Variants in PDE9A observed in about 807,000 individuals in gnomAD.
PDE9A encodes phosphodiesterase 9A, also known as high affinity cGMP-specific 3',5'-cyclic phosphodiesterase 9A.
Under a neutral mutation model 87.4 loss-of-function variants are expected in PDE9A, and 60 were observed. The observed-to-expected ratio is 0.69, with a 90% CI of 0.56 to 0.85. PDE9A has a LOEUF of 0.85. Ranked by LOEUF, PDE9A falls within the 40% of genes least tolerant of loss-of-function variation. PDE9A has a pLI of 0.00. For synonymous variants in PDE9A, 272 were observed against 279.4 expected, an observed-to-expected ratio of 0.97 and a Z score of 0.27; for missense variants, 665 against 779.0, an observed-to-expected ratio of 0.85 and a Z score of 1.74.
At chr21:42,686,785 A>C (rs1396799218) in intron 2 of PDE9A, among the ~76,000 whole-genome samples, 2 of 152,230 alleles carry the variant, frequency 1.3e-5, no homozygotes, top group African/African-American at 4.8e-5. Flanking sequence ...ATTGCACTCC[A>C]GCCTGGGCAA....
At position 42,737,815 on chromosome 21, in the gene PDE9A, G is replaced by T. The variant is rs144356966; in HGVS notation, c.568+4389G>T. 1.1e-4 allele frequency among the ~76,000 whole-genome samples: 17 copies of T among 152,258 alleles called. 1 individual carries two copies. The highest frequency in any genetic ancestry group is 3.3e-4 in the Admixed American group (5 of 15,286). ...CATCCACTAGAACTGGCCACCTTAA[G>T]GCCATATTATATTGTGGTGGACTTG... On this transcript the variant is annotated intron_variant, in intron 7 of 19. Coordinates refer to ENST00000291539, the MANE Select transcript of PDE9A (RefSeq NM_002606.3).
At chr21:42,656,235 G>A (rs2057059752) in intron 1 of PDE9A, among the ~76,000 whole-genome samples, 2 of 152,216 alleles carry the variant, frequency 1.3e-5, no homozygotes, top group Admixed American at 1.3e-4. Flanking sequence ...GGGTGCAGGA[G>A]ATAAGGGATG....
intron 8 of PDE9A, among the ~76,000 whole-genome samples, chr21:42,747,566 CAGCACCCGGG>C (rs910421398): frequency 6.6e-6 from 1 of 152,260 alleles, no homozygotes; most frequent in African/African-American, 2.4e-5. Flanking sequence ...GTCCGGCACA[CAGCACCCGGG>C]AGCAGGTGGC....
At chr21:42,657,516 G>T (rs771482261) in intron 1 of PDE9A, among the ~76,000 whole-genome samples, 1 of 152,204 alleles carries the variant, frequency 6.6e-6, no homozygotes, top group Admixed American at 6.5e-5. Flanking sequence ...ACCCTGGGGG[G>T]CCCTGGCTGC....
intron 7 of PDE9A, chr21:42,741,226 G>C (rs149936666): frequency 6.6e-6 from 1 of 152,238 alleles, no homozygotes; most frequent in Non-Finnish European, 1.5e-5. Context: ...CTGCAGTCTA[G>C]ACAAAGCCAA....
intron 4 of PDE9A, among the ~76,000 whole-genome samples, chr21:42,724,104 G>A (rs143991780): frequency 1.2e-3 from 179 of 152,268 alleles, no homozygotes; most frequent in African/African-American, 4.2e-3. Flanking sequence ...TTCCAGAGGT[G>A]CTAGAGGGGG....
chr21:42,661,363 T>C (rs1169468838), intron 1 of PDE9A, among the ~76,000 whole-genome samples: 2 of 148,574 alleles, frequency 1.3e-5, no homozygotes, highest in Non-Finnish European at 3.0e-5. Flanking sequence ...TGTGGTAAAA[T>C]ATATGAACAA....
At chr21:42,768,854 T>C in intron 16 of PDE9A, 173 bp from the exon 17 acceptor site, 3 of 985,236 alleles carry the variant, frequency 3.0e-6, no homozygotes, top group Middle Eastern at 1.0e-3. Flanking sequence ...CACGCCCAGC[T>C]CTGTTTAGCA....
chr21:42,753,932 C>T (rs1358461820), intron 9 of PDE9A, 58 bp from the exon 10 acceptor site: 3 of 830,346 alleles, frequency 3.6e-6, no homozygotes, highest in Non-Finnish European at 4.1e-6. Flanking sequence ...TCTCAGCATG[C>T]ACATCACTGT....
chr21:42,721,203 G>A (rs2050490652), intron 4 of PDE9A, among the ~76,000 whole-genome samples: 1 of 152,146 alleles, frequency 6.6e-6, no homozygotes, highest in Non-Finnish European at 1.5e-5. Flanking sequence ...AGAGAGGAGG[G>A]CAGGGGGAGA....
intron 1 of PDE9A, among the ~76,000 whole-genome samples, chr21:42,676,184 G>A (rs1601978416): frequency 6.6e-6 from 1 of 152,290 alleles, no homozygotes; most frequent in East Asian, 1.9e-4. Context: ...CTGCAGAACT[G>A]TGAGCCAATT....
At chr21:42,670,261 A>G (rs1299411746) in intron 1 of PDE9A, among the ~76,000 whole-genome samples, 3 of 150,108 alleles carry the variant, frequency 2.0e-5, no homozygotes. Flanking sequence ...ACATACATTC[A>G]CACACATATT....
intron 1 of PDE9A, among the ~76,000 whole-genome samples, chr21:42,667,309 G>A (rs995559931): frequency 1.3e-5 from 2 of 152,178 alleles, no homozygotes; most frequent in African/African-American, 2.4e-5. Flanking sequence ...ATTTTCAAAA[G>A]GGAGACATAC....
rs144734823 is a variant in PDE9A at position 42,732,634 on chromosome 21, G to C, written c.497+510G>C. Among the ~76,000 whole-genome samples the C allele has an allele frequency of 2.6e-4, 40 of 152,366 alleles. No homozygotes were observed. In the East Asian group the frequency reaches 7.5e-3, roughly 29 times the overall value. On this transcript the variant is annotated intron_variant, in intron 6 of 19. Transcript: ENST00000291539. ...GGATTTTTTAAAAACCTTTGAATTG[G>C]CCGGGTGCGGTGGCTCACGCCTGTA...
At chr21:42,690,462 A>G (rs1450644584) in intron 3 of PDE9A, among the ~76,000 whole-genome samples, 7 of 152,058 alleles carry the variant, frequency 4.6e-5, no homozygotes, top group Admixed American at 4.6e-4. Flanking sequence ...TCTATCTATG[A>G]TCGTGGGTGT....
intron 10 of PDE9A, chr21:42,757,823 G>T (rs1030663059): frequency 6.6e-6 from 1 of 152,214 alleles, no homozygotes; most frequent in South Asian, 2.1e-4. Context: ...AGTCCCATGG[G>T]ACCAAGGCCT....
At chr21:42,676,101 C>T (rs1468121516) in intron 1 of PDE9A, among the ~76,000 whole-genome samples, 1 of 152,222 alleles carries the variant, frequency 6.6e-6, no homozygotes, top group East Asian at 1.9e-4. Flanking sequence ...TCCTGTTTCA[C>T]CTTCCATCCT....
intron 4 of PDE9A, among the ~76,000 whole-genome samples, chr21:42,719,805 A>G (rs539239497): frequency 6.6e-6 from 1 of 152,212 alleles, no homozygotes; most frequent in East Asian, 1.9e-4. Flanking sequence ...TCTTGCTACA[A>G]ATGTTGCTGC....
In PDE9A at chr21:42,694,767, C is replaced by T. The variant is rs757060533; in HGVS notation, c.219-4201C>T. ...ACCTTCCAGAAAAATAGGCTCCAAA[C>T]ACACTTTCATCCCATCACTCCCAGC... On this transcript the variant is annotated intron_variant, in intron 3 of 19. Coordinates refer to ENST00000291539, the MANE Select transcript of PDE9A (RefSeq NM_002606.3). The surrounding 1 kb of genome is among the most constrained non-coding windows in gnomAD (Gnocchi z 5.3). Among the ~76,000 whole-genome samples, 21 of 152,292 alleles carry T rather than the reference C, an allele frequency of 1.4e-4. No homozygotes were observed. Among genetic ancestry groups the T allele is most frequent in the African/African-American group, 4.3e-4 (18 of 41,568 alleles).
Sources: gnomAD v4.1 joint callset for allele counts (sites outside exome capture counted in the v4.1 genomes callset) on GRCh38, gnomAD v4.1.1 for gene constraint, Gnocchi (gnomAD v3.1) non-coding constraint, MANE v1.5 for transcripts, NCBI Gene and HGNC (gene_info 2026-07-23, HGNC 2026-07-21) for gene names.